WWOX: variants seen among roughly 807,000 people sequenced by gnomAD.
WWOX encodes WW domain containing oxidoreductase, also known as WW domain-containing oxidoreductase.
Under a neutral mutation model 46.2 loss-of-function variants are expected in WWOX, and 69 were observed. The observed-to-expected ratio is 1.49, with a 90% CI of 1.23 to 1.82. The LOEUF is 1.82. WWOX is among the 40% of genes most tolerant of loss of function. The probability of loss-of-function intolerance (pLI) is 0.00; values close to 1 mark genes in which losing one functional copy is unlikely to be tolerated. For missense variants in WWOX, 919 were observed against 542.6 expected (o/e 1.69, Z -6.89); for synonymous variants, 359 against 202.6 (o/e 1.77, Z -6.56).
chr16:78,537,896 C>A (rs750624760), intron 8 of WWOX, among the ~76,000 whole-genome samples: 8 of 152,116 alleles, frequency 5.3e-5, no homozygotes, highest in African/African-American at 1.7e-4. Context: ...AGGTTGTCCG[C>A]GGTGCCAGTG....
intron 8 of WWOX, among the ~76,000 whole-genome samples, chr16:78,626,023 T>C (rs1267995440): frequency 1.3e-5 from 2 of 151,904 alleles, no homozygotes; most frequent in African/African-American, 4.8e-5. Context: ...CCTAATATTG[T>C]TATTAACTAA....
intron 8 of WWOX, among the ~76,000 whole-genome samples, chr16:78,665,020 A>G (rs1055370237): frequency 1.3e-5 from 2 of 152,220 alleles, no homozygotes; most frequent in African/African-American, 4.8e-5. Flanking sequence ...CAGCGGCTGC[A>G]TTCATCAGCC....
chr16:78,992,022 C>G (rs1170779867), intron 8 of WWOX, among the ~76,000 whole-genome samples: 2 of 152,232 alleles, frequency 1.3e-5, no homozygotes, highest in South Asian at 4.1e-4. Flanking sequence ...TCTTCTCCCT[C>G]TCCCCACTTT....
intron 8 of WWOX, among the ~76,000 whole-genome samples, chr16:78,941,798 A>G (rs2045857193): frequency 1.3e-5 from 2 of 152,130 alleles, no homozygotes; most frequent in African/African-American, 2.4e-5. Flanking sequence ...TAAAAGAAGT[A>G]CTTCATGTAA....
At chr16:78,452,162 G>A (rs2083705157) in intron 8 of WWOX, among the ~76,000 whole-genome samples, 1 of 152,096 alleles carries the variant, frequency 6.6e-6, no homozygotes, top group Non-Finnish European at 1.5e-5. Flanking sequence ...CTTAATACCA[G>A]GCCAAAAGTA....
intron 8 of WWOX, among the ~76,000 whole-genome samples, chr16:78,527,623 C>T (rs905644965): frequency 3.9e-5 from 6 of 152,156 alleles, no homozygotes; most frequent in Admixed American, 6.5e-5. Flanking sequence ...AGTTTAACTA[C>T]ATTTAACCAT....
At chr16:78,670,650 G>A (rs1006578763) in intron 8 of WWOX, among the ~76,000 whole-genome samples, 5 of 151,962 alleles carry the variant, frequency 3.3e-5, no homozygotes, top group African/African-American at 7.3e-5. Context: ...ACCTCATTTG[G>A]AAATAAGGCC....
chr16:78,985,828 C>T (rs897386935), intron 8 of WWOX, among the ~76,000 whole-genome samples: 1 of 152,206 alleles, frequency 6.6e-6, no homozygotes, highest in Non-Finnish European at 1.5e-5. Context: ...GCAATGCTGA[C>T]CACTCCGGAA....
intron 8 of WWOX, among the ~76,000 whole-genome samples, chr16:78,779,168 A>T (rs2050264834): frequency 6.6e-6 from 1 of 152,132 alleles, no homozygotes; most frequent in Admixed American, 6.6e-5. Context: ...TTTGTTTTTG[A>T]GACAGGGTCT....
At chr16:78,579,839 CTCT>C (rs1224815589) in intron 8 of WWOX, among the ~76,000 whole-genome samples, 2 of 152,126 alleles carry the variant, frequency 1.3e-5, no homozygotes, top group Non-Finnish European at 2.9e-5. Flanking sequence ...TGGGAAATGT[CTCT>C]TCTTCTGAAA....
intron 8 of WWOX, among the ~76,000 whole-genome samples, chr16:79,132,388 T>G (rs2049898295): frequency 6.6e-6 from 1 of 152,170 alleles, no homozygotes; most frequent in South Asian, 2.1e-4. Flanking sequence ...TTTCTCTTTG[T>G]CTAACGCTTC....
chr16:78,899,953 C>T (rs1287674750), intron 8 of WWOX, among the ~76,000 whole-genome samples: 1 of 151,374 alleles, frequency 6.6e-6, no homozygotes, highest in East Asian at 2.0e-4. Context: ...ACCCTTGGTA[C>T]TAATTAAGCC....
At chr16:78,579,545 G>C (rs140599990) in intron 8 of WWOX, among the ~76,000 whole-genome samples, 233 of 152,272 alleles carry the variant, frequency 1.5e-3, no homozygotes, top group Admixed American at 2.6e-3. Flanking sequence ...TAGGTGAGGT[G>C]CTGTGGTGCG....
At chr16:78,259,657 T>C (rs923047625) in intron 5 of WWOX, among the ~76,000 whole-genome samples, 1 of 151,550 alleles carries the variant, frequency 6.6e-6, no homozygotes, top group African/African-American at 2.4e-5. Flanking sequence ...GTTTAAACTA[T>C]TAATACACAA....
At chr16:78,872,734 C>G (rs79403561) in intron 8 of WWOX, 8 of 152,196 alleles carry the variant, frequency 5.3e-5, no homozygotes, top group African/African-American at 1.9e-4. Flanking sequence ...CCTTCCGAAG[C>G]TGCCATCTTG....
Position 78,903,563 on chromosome 16 carries a change from C to T in WWOX, c.1057-308045C>T, listed in dbSNP as rs532880152. The stretch of plus-strand genomic sequence containing the variant: ...GTAAGGGGTTGCAAAAGAGTAGCCC[C>T]TCCTCCTTTTGTTACTTAGGCGTGG... On this transcript the variant is annotated intron_variant, in intron 8 of 8. Transcript: ENST00000566780. Among the ~76,000 whole-genome samples the T allele has an allele frequency of 1.4e-4, 21 of 152,304 alleles. No homozygotes were observed. The South Asian group carries it at 3.5e-3, about 26-fold the overall frequency.
intron 8 of WWOX, among the ~76,000 whole-genome samples, chr16:78,912,821 G>C (rs1375906446): frequency 6.6e-6 from 1 of 151,930 alleles, no homozygotes; most frequent in African/African-American, 2.4e-5. Flanking sequence ...AGATATACAA[G>C]GTTCTCCCTC....
chr16:78,138,799 C>T (rs557623056), intron 4 of WWOX, among the ~76,000 whole-genome samples: 6 of 152,278 alleles, frequency 3.9e-5, no homozygotes, highest in African/African-American at 9.6e-5. Flanking sequence ...GTGCTTAATG[C>T]GCCACTCCAC....
chr16:78,658,540 C>T lies in WWOX; in HGVS notation c.1056+225788C>T, dbSNP rs377310354. On this transcript the variant is annotated intron_variant, in intron 8 of 8. Transcript: ENST00000566780. Reference sequence around the variant, plus strand: ...CGAGGTGTTGGCAGAGTTGGTTCCTCCCGGGGCTCTCAGTGAAAGCCTGCT... The same window carrying T: ...CGAGGTGTTGGCAGAGTTGGTTCCTTCCGGGGCTCTCAGTGAAAGCCTGCT... 5.3e-5 allele frequency among the ~76,000 whole-genome samples: 8 copies of T among 152,276 alleles called. No homozygotes were observed. The South Asian group carries it at 1.2e-3, about 24-fold the overall frequency.
Sources: allele counts gnomAD v4.1 joint callset (sites outside exome capture counted in the v4.1 genomes callset), GRCh38; gene constraint gnomAD v4.1.1; transcripts MANE v1.5; gene names NCBI Gene and HGNC (gene_info 2026-07-23, HGNC 2026-07-21).